PTPN12: variants seen among roughly 807,000 people sequenced by gnomAD.
PTPN12 encodes protein tyrosine phosphatase non-receptor type 12.
A neutral mutation model predicts 97.6 loss-of-function variants in PTPN12; 29 were observed. The observed-to-expected ratio is 0.30, with a 90% CI of 0.22 to 0.41. PTPN12 has a LOEUF of 0.41. PTPN12 is among the 10% of genes least tolerant of loss of function. The pLI is 1.00. For missense variants in PTPN12, 819 were observed against 926.0 expected (o/e 0.88, Z 1.50); for synonymous variants, 327 against 300.4 (o/e 1.09, Z -0.91).
chr7:77,575,455 C>A (rs879908245), intron 2 of PTPN12, among the ~76,000 whole-genome samples: 44 of 152,256 alleles, frequency 2.9e-4, no homozygotes, highest in Admixed American at 2.6e-3. Flanking sequence ...CTGCAGTGAA[C>A]TATGATTGCA....
chr7:77,568,821 G>T (rs1392764877), intron 1 of PTPN12, among the ~76,000 whole-genome samples: 1 of 152,090 alleles, frequency 6.6e-6, no homozygotes, highest in Non-Finnish European at 1.5e-5. Context: ...TATTTAAGTT[G>T]ATATCCTTCT....
intron 1 of PTPN12, among the ~76,000 whole-genome samples, chr7:77,562,372 A>G (rs1048675766): frequency 6.6e-6 from 1 of 152,080 alleles, no homozygotes; most frequent in African/African-American, 2.4e-5. Context: ...TTTTTATTAT[A>G]TACTATGAGA....
At chr7:77,578,284 A>G (rs993089367) in intron 2 of PTPN12, among the ~76,000 whole-genome samples, 2 of 152,234 alleles carry the variant, frequency 1.3e-5, no homozygotes, top group Non-Finnish European at 2.9e-5. Flanking sequence ...AGCCATCATT[A>G]TCCTAACCAC....
chr7:77,556,158 T>C (rs759105466), intron 1 of PTPN12, among the ~76,000 whole-genome samples: 7 of 152,222 alleles, frequency 4.6e-5, no homozygotes, highest in Non-Finnish European at 1.0e-4. Context: ...CCTCCTGGGC[T>C]CAAGCAATCC....
chr7:77,556,589 C>T (rs1807722868), intron 1 of PTPN12, among the ~76,000 whole-genome samples: 1 of 152,090 alleles, frequency 6.6e-6, no homozygotes. Flanking sequence ...GTGGCTCACA[C>T]CTGTAATCCC....
chr7:77,620,004 A>C lies in PTPN12; in HGVS notation c.1025+1439A>C, dbSNP rs571371322. Among the ~76,000 whole-genome samples, 21 of 152,300 alleles carry C rather than the reference A, an allele frequency of 1.4e-4. No homozygotes were observed. In the South Asian group the frequency reaches 1.9e-3, roughly 14 times the overall value. On this transcript the variant is annotated intron_variant, in intron 12 of 17. Transcript: ENST00000248594. ...GGAAGGTAACCAGTTGAAACCTATAAAATATTAAGTTCTCTAACTTCTCTG... is the reference window on the plus strand; with the variant it reads ...GGAAGGTAACCAGTTGAAACCTATACAATATTAAGTTCTCTAACTTCTCTG...
At chr7:77,615,933 C>T (rs919440191) in intron 11 of PTPN12, among the ~76,000 whole-genome samples, 1 of 152,150 alleles carries the variant, frequency 6.6e-6, no homozygotes, top group Non-Finnish European at 1.5e-5. Flanking sequence ...GGCTCTTTAT[C>T]GAATTGCAGT....
At position 77,610,974 on chromosome 7, in the gene PTPN12, T is replaced by C. The variant is rs1788549464; in HGVS notation, c.867T>C (p.Ala289=). 1 of 1,613,032 alleles carries C rather than the reference T, an allele frequency of 6.2e-7. No homozygotes were observed. The highest frequency in any genetic ancestry group is 1.7e-5 in the Admixed American group (1 of 59,884). ...AGCAATATGAACTTGTTCATAGAGC[T>C]ATTGCCCAACTGTTTGAAAAACAGC... ...TKEQYELVHR[A]IAQLFEKQLQ... is the part of the protein sequence containing the mutation. The change falls in exon 11 of 18, where the codon GCT becomes GCC. Residue 289 remains alanine, a synonymous_variant. Coordinates refer to ENST00000248594, the MANE Select transcript of PTPN12 (RefSeq NM_002835.4).
At chr7:77,561,777 TA>T (rs1562712950) in intron 1 of PTPN12, among the ~76,000 whole-genome samples, 45 of 151,842 alleles carry the variant, frequency 3.0e-4, no homozygotes, top group African/African-American at 9.9e-4. Context: ...ATTAATTAAT[TA>T]ATTAATTTTA....
At chr7:77,620,687 C>T (rs901845625) in intron 12 of PTPN12, among the ~76,000 whole-genome samples, 3 of 152,202 alleles carry the variant, frequency 2.0e-5, no homozygotes, top group Admixed American at 2.0e-4. Context: ...TGGTGGCTCA[C>T]GCCTGTAATC....
chr7:77,540,457 T>A (rs1005388130), intron 1 of PTPN12, among the ~76,000 whole-genome samples: 1 of 151,912 alleles, frequency 6.6e-6, no homozygotes, highest in Non-Finnish European at 1.5e-5. Context: ...AGACTGGTCT[T>A]GAACTTTCAT....
intron 1 of PTPN12, among the ~76,000 whole-genome samples, chr7:77,557,636 C>G (rs972814714): frequency 3.4e-4 from 52 of 152,032 alleles, no homozygotes; most frequent in African/African-American, 1.2e-3. Flanking sequence ...AATTAGGACT[C>G]TTAAAAGGAA....
chr7:77,623,473 G>T (rs1277091775), intron 12 of PTPN12, among the ~76,000 whole-genome samples: 8 of 152,244 alleles, frequency 5.3e-5, no homozygotes, highest in Admixed American at 3.3e-4. Context: ...CATTTTGGGA[G>T]CCTGAGGAGG....
At chr7:77,634,837 A>G (rs917233344) in intron 14 of PTPN12, among the ~76,000 whole-genome samples, 1 of 151,686 alleles carries the variant, frequency 6.6e-6, no homozygotes, top group Non-Finnish European at 1.5e-5. Context: ...TCAGCCTCCC[A>G]AAGTGCTGGG....
At chr7:77,608,827 C>T (rs4729555) in intron 9 of PTPN12, among the ~76,000 whole-genome samples, 32,237 of 152,058 alleles carry the variant, frequency 0.21, 4,478 homozygotes, top group East Asian at 0.7. Flanking sequence ...AACTGGAATT[C>T]GATCACATTT....
At chr7:77,601,357 A>C (rs771555404) in intron 8 of PTPN12, among the ~76,000 whole-genome samples, 1 of 151,838 alleles carries the variant, frequency 6.6e-6, no homozygotes, top group Admixed American at 6.6e-5. Flanking sequence ...CACTGAACTA[A>C]TTTTTTTTAA....
intron 1 of PTPN12, among the ~76,000 whole-genome samples, chr7:77,556,695 C>T (rs980891943): frequency 5.3e-5 from 8 of 151,808 alleles, no homozygotes; most frequent in South Asian, 2.1e-4. Context: ...TAAAAATTAG[C>T]TGAGTGTTCC....
chr7:77,597,911 T>TA lies in PTPN12; in HGVS notation c.552+11dup, dbSNP rs1788071449. 6 of 1,612,116 alleles carry TA rather than the reference T, an allele frequency of 3.7e-6. No homozygotes were observed. Among genetic ancestry groups the TA allele is most frequent in the Admixed American group, 1.7e-5 (1 of 59,700 alleles). The stretch of plus-strand genomic sequence containing the variant: ...ACTTGAATTTCAAAATGTAGGTACT[T>TA]ACCATTTATAGACTATCTGTAAGAA... On this transcript the variant is annotated intron_variant, in intron 7 of 17. Coordinates refer to ENST00000248594, the MANE Select transcript of PTPN12 (RefSeq NM_002835.4).
At chr7:77,603,859 T>C (rs183808723) in intron 8 of PTPN12, among the ~76,000 whole-genome samples, 1 of 151,398 alleles carries the variant, frequency 6.6e-6, no homozygotes, top group East Asian at 1.9e-4. Context: ...CCTTCCCCAA[T>C]ACTGTGTGTT....
Sources: gnomAD v4.1 joint callset for allele counts (sites outside exome capture counted in the v4.1 genomes callset) on GRCh38, gnomAD v4.1.1 for gene constraint, MANE v1.5 for transcripts, NCBI Gene and HGNC (gene_info 2026-07-23, HGNC 2026-07-21) for gene names.